The following MACROD2 variants were observed in gnomAD, a reference collection of about 807,000 sequenced individuals.
The protein encoded by MACROD2 is mono-ADP ribosylhydrolase 2.
In MACROD2, 36 loss-of-function variants were observed where a neutral mutation model predicts 70.4. The observed-to-expected ratio is 0.51, with a 90% CI of 0.39 to 0.68. The LOEUF (loss-of-function observed/expected upper bound fraction) is 0.68. Ranked by LOEUF, MACROD2 falls within the 30% of genes least tolerant of loss-of-function variation. MACROD2 has a pLI of 0.00. For synonymous variants in MACROD2, 172 were observed against 178.8 expected (o/e 0.96, Z 0.30); for missense variants, 496 against 538.4 (o/e 0.92, Z 0.78).
At chr20:15,178,473 G>C (rs995557691) in intron 5 of MACROD2, among the ~76,000 whole-genome samples, 3 of 152,184 alleles carry the variant, frequency 2.0e-5, no homozygotes, top group African/African-American at 2.4e-5. Context: ...AAGTGGATTT[G>C]CCTAGCTAGT....
intron 4 of MACROD2, among the ~76,000 whole-genome samples, chr20:14,576,965 G>T (rs956255050): frequency 6.6e-6 from 1 of 152,064 alleles, no homozygotes; most frequent in African/African-American, 2.4e-5. Flanking sequence ...TGAATTGTAT[G>T]GTAAATACCA....
At chr20:14,382,731 GACCT>G (rs1013789538) in intron 3 of MACROD2, among the ~76,000 whole-genome samples, 10 of 152,034 alleles carry the variant, frequency 6.6e-5, no homozygotes, top group Admixed American at 5.2e-4. Flanking sequence ...TTTTAGGGGT[GACCT>G]ACCGATTTGC....
intron 3 of MACROD2, among the ~76,000 whole-genome samples, chr20:14,252,028 A>G (rs2082017345): frequency 6.6e-6 from 1 of 152,114 alleles, no homozygotes; most frequent in Admixed American, 6.5e-5. Context: ...GTAAAATTTT[A>G]GCACTGTCTA....
At chr20:14,420,117 C>G (rs2122891412) in intron 3 of MACROD2, among the ~76,000 whole-genome samples, 1 of 150,678 alleles carries the variant, frequency 6.6e-6, no homozygotes, top group South Asian at 2.1e-4. Flanking sequence ...TATTTCTTAC[C>G]ATAGGGCCCA....
intron 8 of MACROD2, among the ~76,000 whole-genome samples, chr20:15,592,561 C>T (rs1016690687): frequency 2.6e-5 from 4 of 152,226 alleles, no homozygotes; most frequent in Non-Finnish European, 2.9e-5. Flanking sequence ...AAAGATTCGT[C>T]CTTGCCTTAC....
intron 5 of MACROD2, among the ~76,000 whole-genome samples, chr20:14,870,635 C>A (rs1378272941): frequency 6.6e-6 from 1 of 151,864 alleles, no homozygotes; most frequent in Non-Finnish European, 1.5e-5. Flanking sequence ...TTAATAATGT[C>A]CATCCTGACT....
Position 15,864,001 on chromosome 20 carries a change from A to C in MACROD2, c.727+1175A>C, listed in dbSNP as rs2064459598. 1.3e-5 allele frequency among the ~76,000 whole-genome samples: 2 copies of C among 152,230 alleles called. 1 individual carries two copies. Among genetic ancestry groups the C allele is most frequent in the South Asian group, 4.1e-4 (2 of 4,836 alleles). ...TATTCCTCTAACTGAAACATAATGT[A>C]AATTCCTCAGATTCCCATGTGATAA... On this transcript the variant is annotated intron_variant, in intron 9 of 17. Coordinates refer to ENST00000684519, the MANE Select transcript of MACROD2 (RefSeq NM_001351661.2).
chr20:14,647,619 G>A (rs577547641), intron 4 of MACROD2, among the ~76,000 whole-genome samples: 1 of 151,972 alleles, frequency 6.6e-6, no homozygotes, highest in South Asian at 2.1e-4. Context: ...TGCCTCATAA[G>A]ACACCCAGAC....
intron 3 of MACROD2, among the ~76,000 whole-genome samples, chr20:14,117,286 T>C (rs2054528865): frequency 6.6e-6 from 1 of 152,202 alleles, no homozygotes; most frequent in Non-Finnish European, 1.5e-5. Flanking sequence ...TATAGAACTT[T>C]TGATACTTTA....
chr20:15,272,365 C>T (rs1356380672), intron 6 of MACROD2, among the ~76,000 whole-genome samples: 2 of 152,138 alleles, frequency 1.3e-5, no homozygotes, highest in African/African-American at 4.8e-5. Flanking sequence ...GAATATTGGA[C>T]TCATCTACTC....
intron 5 of MACROD2, among the ~76,000 whole-genome samples, chr20:14,977,661 A>G (rs1214581761): frequency 1.3e-5 from 2 of 152,116 alleles, no homozygotes; most frequent in African/African-American, 4.8e-5. Context: ...ACCGTTGTAC[A>G]AGTGTGTGCC....
At chr20:15,009,936 T>C (rs1600943268) in intron 5 of MACROD2, among the ~76,000 whole-genome samples, 1 of 152,156 alleles carries the variant, frequency 6.6e-6, no homozygotes, top group African/African-American at 2.4e-5. Context: ...TCTTGTGTTA[T>C]TGGCAAGATT....
chr20:15,620,525 A>G (rs2049110172), intron 8 of MACROD2, among the ~76,000 whole-genome samples: 1 of 152,346 alleles, frequency 6.6e-6, no homozygotes, highest in East Asian at 1.9e-4. Flanking sequence ...AACTGAGATA[A>G]CAATATGTCA....
chr20:14,736,515 T>C (rs180864379), intron 5 of MACROD2, among the ~76,000 whole-genome samples: 74 of 152,296 alleles, frequency 4.9e-4, no homozygotes, highest in Non-Finnish European at 9.0e-4. Context: ...TTTTCAAATA[T>C]ATCAGTCAGT....
intron 8 of MACROD2, among the ~76,000 whole-genome samples, chr20:15,782,963 C>A (rs1003583753): frequency 3.3e-4 from 50 of 152,140 alleles, no homozygotes; most frequent in African/African-American, 1.2e-3. Context: ...ACAGCAGTTA[C>A]CGGAAATTCA....
At chr20:14,917,183 A>G (rs958365861) in intron 5 of MACROD2, among the ~76,000 whole-genome samples, 1 of 149,088 alleles carries the variant, frequency 6.7e-6, no homozygotes, top group Non-Finnish European at 1.5e-5. Flanking sequence ...ATTTTACTCC[A>G]CCCTCCATTG....
chr20:14,154,393 T>TC (rs1337833129), intron 3 of MACROD2, among the ~76,000 whole-genome samples: 1 of 150,398 alleles, frequency 6.6e-6, no homozygotes, highest in Non-Finnish European at 1.5e-5. Flanking sequence ...TCTTTTCTTT[T>TC]TTTTTTTTTT....
chr20:16,007,457 C>T (rs542877873), intron 15 of MACROD2, among the ~76,000 whole-genome samples: 18 of 152,282 alleles, frequency 1.2e-4, no homozygotes, highest in African/African-American at 4.3e-4. Context: ...CCTGATACCA[C>T]AGTGTCCAGA....
At chr20:14,894,793 T>C (rs763278367) in intron 5 of MACROD2, 3 of 152,320 alleles carry the variant, frequency 2.0e-5, no homozygotes, top group Admixed American at 6.5e-5. Flanking sequence ...ATCTTGTGTG[T>C]GTGTGATGTT....
Sources: allele counts gnomAD v4.1 joint callset (sites outside exome capture counted in the v4.1 genomes callset), GRCh38; gene constraint gnomAD v4.1.1; transcripts MANE v1.5; gene names NCBI Gene and HGNC (gene_info 2026-07-23, HGNC 2026-07-21).